AIFM3: variants seen among roughly 807,000 people sequenced by gnomAD.
The protein encoded by AIFM3 is apoptosis-inducing factor 3.
Under a neutral mutation model 82.7 loss-of-function variants are expected in AIFM3, and 71 were observed. That is an observed-to-expected ratio of 0.86 (90% confidence interval 0.71 to 1.05). The LOEUF is 1.05. AIFM3 is among the 50% of genes least tolerant of loss of function. AIFM3 has a pLI of 0.00. For synonymous variants in AIFM3, 337 were observed against 329.1 expected, an observed-to-expected ratio of 1.02 and a Z score of -0.26; for missense variants, 748 against 816.7, an observed-to-expected ratio of 0.92 and a Z score of 1.03.
rs184059747 is a variant in AIFM3 at position 20,968,931 on chromosome 22, C to T, written c.31+956C>T. ...TCCTGGGTCTAAGGGAGAACTTGGG[C>T]GAGGGAGGAGGGCTGTGATGACCCA... is the stretch of plus-strand genomic sequence containing the variant. On this transcript the variant is annotated intron_variant, in intron 2 of 20. Coordinates refer to ENST00000440238, the MANE Select transcript of AIFM3 (RefSeq NM_001386814.1). 5.3e-5 allele frequency among the ~76,000 whole-genome samples: 8 copies of T among 152,222 alleles called. No homozygotes were observed. In the East Asian group the frequency reaches 7.7e-4, roughly 15 times the overall value.
intron 18 of AIFM3, 53 bp downstream of exon 18, chr22:20,979,755 A>AGG (rs986850133): frequency 6.2e-7 from 1 of 1,600,764 alleles, no homozygotes; most frequent in African/African-American, 1.3e-5. Context: ...TCAGTCGGGA[A>AGG]GGGGGATTCA....
At position 20,973,749 on chromosome 22, in the gene AIFM3, G is replaced by T. The variant is rs757587817; in HGVS notation, c.246-9G>T. On this transcript the variant is annotated splice_polypyrimidine_tract_variant and intron_variant, in intron 3 of 20. Coordinates refer to ENST00000440238, the MANE Select transcript of AIFM3 (RefSeq NM_001386814.1). The stretch of plus-strand genomic sequence containing the variant: ...TCTGGCCTGACCTCTGAGTGCTGCG[G>T]TTCCCCAGGATGCGGGAAGTGGAGC... 9 of 1,541,146 alleles carry T rather than the reference G, an allele frequency of 5.8e-6. No individual in the cohort carries two copies. In the Admixed American group the frequency reaches 1.2e-4, roughly 21 times the overall value.
At chr22:20,979,879 G>C (rs1923973166) in intron 18 of AIFM3, 141 bp from the exon 19 acceptor site, 1 of 1,116,000 alleles carries the variant, frequency 9.0e-7, no homozygotes, top group Non-Finnish European at 1.3e-6. Flanking sequence ...GTGCAAAGCA[G>C]GGAGGGCTGG....
In AIFM3 at chr22:20,977,019, C is replaced by T; in HGVS notation, c.1219-13C>T. 1.9e-6 allele frequency: 3 copies of T among 1,614,158 alleles called. No individual in the cohort carries two copies. The highest frequency in any genetic ancestry group is 2.5e-6 in the Non-Finnish European group (3 of 1,180,030). ...GAGCTGGGTCCACCTGTTTATCCAC[C>T]CACTCCCCACAGCTGAAGGAGGTTG... On this transcript the variant is annotated splice_polypyrimidine_tract_variant and intron_variant, in intron 13 of 20. Coordinates refer to ENST00000440238, the MANE Select transcript of AIFM3 (RefSeq NM_001386814.1).
chr22:20,973,139 A>G (rs1601702822), intron 2 of AIFM3, 168 bp from the exon 3 acceptor site: 1 of 756,188 alleles, frequency 1.3e-6, no homozygotes, highest in South Asian at 1.8e-5. Flanking sequence ...GCTTCGTGCC[A>G]GGTTTAAGGC....
Position 20,976,341 on chromosome 22 carries a change from G to C in AIFM3, c.899+35G>C, listed in dbSNP as rs139938405. On this transcript the variant is annotated intron_variant, in intron 10 of 20. Coordinates refer to ENST00000440238, the MANE Select transcript of AIFM3 (RefSeq NM_001386814.1). ...TCTCCTTTTTACCCATCGGACACTA[G>C]GCAGGGCACTGGCCTGGACGGGGCT... 1.2e-5 allele frequency: 20 copies of C among 1,613,710 alleles called. No homozygotes were observed. The African/African-American group carries it at 2.0e-4, about 16-fold the overall frequency.
At chr22:20,975,978 G>A (rs1182259129) in intron 9 of AIFM3, among the ~76,000 whole-genome samples, 200 bp downstream of exon 9, 5 of 152,248 alleles carry the variant, frequency 3.3e-5, no homozygotes, top group Non-Finnish European at 5.9e-5. Flanking sequence ...CACGGTGTGT[G>A]GAGATGAACG....
intron 17 of AIFM3, 42 bp from the exon 18 acceptor site, chr22:20,979,585 C>T: frequency 6.2e-7 from 1 of 1,610,592 alleles, no homozygotes; most frequent in Non-Finnish European, 8.5e-7. Flanking sequence ...CTCGTTCCCT[C>T]CCCCGGCTCA....
At chr22:20,974,430 T>G (rs1923494008) in intron 6 of AIFM3, 95 bp from the exon 7 acceptor site, 2 of 1,557,886 alleles carry the variant, frequency 1.3e-6, no homozygotes, top group African/African-American at 1.4e-5. Context: ...GGGGTTGCGG[T>G]AGGGATGAGG....
chr22:20,980,788 G>A (rs1924056517), intron 20 of AIFM3, 21 bp downstream of exon 20: 3 of 1,614,004 alleles, frequency 1.9e-6, no homozygotes, highest in Non-Finnish European at 1.7e-6. Context: ...CCTTCATGTT[G>A]ACCGTTCTGA....
intron 11 of AIFM3, 22 bp downstream of exon 11, chr22:20,976,560 A>C (rs781439692): frequency 1.2e-6 from 2 of 1,612,816 alleles, no homozygotes; most frequent in Non-Finnish European, 1.7e-6. Context: ...TGGGCAGTGG[A>C]GATGGTGGTC....
At chr22:20,967,695 C>G in intron 1 of AIFM3, 110 bp from the exon 2 acceptor site, 1 of 579,580 alleles carries the variant, frequency 1.7e-6, no homozygotes, top group South Asian at 2.1e-5. Flanking sequence ...CGCCATGGTT[C>G]CCAGCTCAAA....
intron 16 of AIFM3, among the ~76,000 whole-genome samples, chr22:20,978,725 T>A (rs146936471): frequency 1.4e-4 from 22 of 152,172 alleles, no homozygotes; most frequent in African/African-American, 5.3e-4. Flanking sequence ...AGTCGAAAGT[T>A]GTTGCTAGGT....
chr22:20,979,928 C>T (rs2147951965), intron 18 of AIFM3, 92 bp from the exon 19 acceptor site: 1 of 1,303,446 alleles, frequency 7.7e-7, no homozygotes, highest in South Asian at 1.4e-5. Context: ...GTAGGTCCTT[C>T]CCTGGGCCCC....
rs1394981296 is a variant in AIFM3, at chr22:20,976,396, G to A, written c.900-12G>A. The A allele has an allele frequency of 6.2e-7, 1 of 1,613,824 alleles. No individual in the cohort carries two copies. On this transcript the variant is annotated splice_polypyrimidine_tract_variant and intron_variant, in intron 10 of 20. Transcript: ENST00000440238. ...CTGCCAGGAGGCCCTCACTGACACGGCCATGTCTCAGCCCCAAGACTCTGA... is the reference window on the plus strand; with the variant it reads ...CTGCCAGGAGGCCCTCACTGACACGACCATGTCTCAGCCCCAAGACTCTGA...
intron 9 of AIFM3, 59 bp downstream of exon 9, chr22:20,975,837 TG>T: frequency 6.3e-7 from 1 of 1,576,150 alleles, no homozygotes; most frequent in Non-Finnish European, 8.6e-7. Context: ...CGTGAGGTTG[TG>T]TGGGCCCCTG....
chr22:20,972,142 C>T (rs12170848), intron 2 of AIFM3, among the ~76,000 whole-genome samples: 2,666 of 152,320 alleles, frequency 0.018, 92 homozygotes, highest in African/African-American at 0.06. Flanking sequence ...TGGTGGCCCA[C>T]GCCTGTAATC....
intron 9 of AIFM3, 54 bp downstream of exon 9, chr22:20,975,832 G>A: frequency 6.3e-7 from 1 of 1,584,534 alleles, no homozygotes; most frequent in Non-Finnish European, 8.6e-7. Flanking sequence ...GGAACCGTGA[G>A]GTTGTGTGGG....
At chr22:20,980,828 C>T (rs1924060977) in intron 20 of AIFM3, 61 bp downstream of exon 20, 1 of 1,607,172 alleles carries the variant, frequency 6.2e-7, no homozygotes, top group Non-Finnish European at 8.5e-7. Context: ...AGACCCTCCA[C>T]CCAATGGTCT....
Sources: allele counts gnomAD v4.1 joint callset (sites outside exome capture counted in the v4.1 genomes callset), GRCh38; gene constraint gnomAD v4.1.1; transcripts MANE v1.5; gene names NCBI Gene and HGNC (gene_info 2026-07-23, HGNC 2026-07-21).